The following GSDME variants were observed in gnomAD, a reference collection of about 807,000 sequenced individuals.
GSDME encodes gasdermin-E.
In GSDME, 44 loss-of-function variants were observed where a neutral mutation model predicts 47.5. That is an observed-to-expected ratio of 0.93 (90% CI 0.73 to 1.19). GSDME has a LOEUF of 1.19. Among genes scored for constraint, GSDME ranks in the 50% most tolerant of loss-of-function variants. The pLI is 0.00. For missense variants in GSDME, 663 were observed against 604.2 expected (o/e 1.10, Z -1.02); for synonymous variants, 258 against 252.8 (o/e 1.02, Z -0.20).
chr7:24,744,437 C>T lies in GSDME; in HGVS notation c.404+125G>A, dbSNP rs1790583027. ...GCTCCTCATGAAATTTCAACACAAG[C>T]GCATTCAATACATGTTTATTGATCG... is the stretch of plus-strand genomic sequence containing the variant. On this transcript the variant is annotated intron_variant, in intron 3 of 9. Coordinates refer to ENST00000645220, the MANE Select transcript of GSDME (RefSeq NM_001127453.2). The surrounding 1 kb of genome is among the most constrained non-coding windows in gnomAD (Gnocchi z 4.5). 26 of 1,064,002 alleles carry T rather than the reference C, an allele frequency of 2.4e-5. No individual in the cohort carries two copies. The highest frequency in any genetic ancestry group is 1.8e-4 in the South Asian group (14 of 78,130). 65.9% of individuals were successfully genotyped at this position (1,064,002 alleles called of 1,614,324 possible). A position where few individuals can be genotyped will look rare whatever the true frequency, so the allele number is the denominator to read the frequency against.
the GSDME span, among the ~76,000 whole-genome samples, chr7:24,784,626 C>CTTTT: frequency 1.6e-4 from 20 of 124,286 alleles, 1 homozygote; most frequent in Middle Eastern, 7.9e-3. Context: ...TTTCTTCTTC[C>CTTTT]TTTTTTTTTT....
rs770265619 is a variant in GSDME at position 24,744,643 on chromosome 7, C to T, written c.323G>A (p.Arg108His). 8.1e-6 allele frequency: 13 copies of T among 1,614,074 alleles called. No individual in the cohort carries two copies. The highest frequency in any genetic ancestry group is 4.0e-5 in the African/African-American group (3 of 74,910). The part of the protein sequence containing the change: ...KVKLNLGGSS[R>H]VESQSSFGTL... ...TCCAAATGAAGACTGGCTCTCTACGCGGCTGCTGCCCCCCAGGTTCAGCTT... is the reference window on the plus strand; with the variant it reads ...TCCAAATGAAGACTGGCTCTCTACGTGGCTGCTGCCCCCCAGGTTCAGCTT... The change falls in exon 3 of 10, where the codon CGC becomes CAC. Residue 108 changes from arginine (R) to histidine (H), a missense_variant. By Grantham distance (29) the Arg-to-His change is conservative (BLOSUM62 0). Coordinates refer to ENST00000645220, the MANE Select transcript of GSDME (RefSeq NM_001127453.2). The surrounding 1 kb of genome is among the most constrained non-coding windows in gnomAD (Gnocchi z 4.5).
In GSDME at chr7:24,744,559, T is replaced by G. The variant is rs1249880042; in HGVS notation, c.404+3A>C. ...ATCCAAAATGCCAAACAAGTCTCCT[T>G]ACCTCTCGGCAGAGTCTCTGATGAG... is the stretch of plus-strand genomic sequence containing the variant. On this transcript the variant is annotated splice_donor_region_variant and intron_variant, in intron 3 of 9. Coordinates refer to ENST00000645220, the MANE Select transcript of GSDME (RefSeq NM_001127453.2). The surrounding 1 kb of genome is among the most constrained non-coding windows in gnomAD (Gnocchi z 4.5). 6.2e-7 allele frequency: 1 copy of G among 1,614,198 alleles called. No homozygotes were observed. The highest frequency in any genetic ancestry group is 1.3e-5 in the African/African-American group (1 of 75,048).
chr7:24,772,879 T>G, the GSDME span, among the ~76,000 whole-genome samples: 1 of 152,226 alleles, frequency 6.6e-6, no homozygotes, highest in African/African-American at 2.4e-5. This position sits in a 1 kb window ranked among gnomAD's most constrained non-coding sequence, Gnocchi z 4.5. Context: ...AAGAGGCTGT[T>G]CAATGAGACT....
chr7:24,794,218 CTT>C, the GSDME span, among the ~76,000 whole-genome samples: 14 of 152,048 alleles, frequency 9.2e-5, no homozygotes, highest in Admixed American at 3.9e-4. Context: ...TTGACTTCCT[CTT>C]TGTCTCTTCC....
Position 24,699,194 on chromosome 7 carries a change from A to ATCTT in GSDME, c.1319_1322dup (p.Asp441GlufsTer17), listed in dbSNP as rs1788758854. On this transcript the variant is annotated frameshift_variant, in exon 10 of 10. Transcript: ENST00000645220. LOFTEE classifies it low-confidence loss of function (END_TRUNC). ...GCTGCACAATCCCAAACCTTTCTGTATCTTTCAGGGGAGTCAAGGTTGGGT... is the reference window on the plus strand; with the variant it reads ...GCTGCACAATCCCAAACCTTTCTGTATCTTTCTTTCAGGGGAGTCAAGGTTGGGT... The ATCTT allele has an allele frequency of 1.2e-6, 2 of 1,614,084 alleles. No homozygotes were observed. Among genetic ancestry groups the ATCTT allele is most frequent in the Non-Finnish European group, 1.7e-6 (2 of 1,180,042 alleles).
At chr7:24,702,651 G>T in intron 9 of GSDME, 109 bp downstream of exon 9, 1 of 851,040 alleles carries the variant, frequency 1.2e-6, no homozygotes, top group Non-Finnish European at 2.0e-6. Flanking sequence ...GTGTCTTGAA[G>T]AGCTGTTGTG....
intron 6 of GSDME, among the ~76,000 whole-genome samples, chr7:24,709,226 G>C (rs2128049366): frequency 6.6e-6 from 1 of 152,332 alleles, no homozygotes; most frequent in African/African-American, 2.4e-5. Context: ...CTGCTGACCA[G>C]AATGGCCAAC....
At chr7:24,699,865 T>C (rs919809806) in intron 9 of GSDME, among the ~76,000 whole-genome samples, 5 of 152,254 alleles carry the variant, frequency 3.3e-5, no homozygotes, top group Admixed American at 1.3e-4. Flanking sequence ...GCTTAGTTTT[T>C]GTTTTACTGA....
chr7:24,789,442 G>A, the GSDME span, among the ~76,000 whole-genome samples: 2 of 152,154 alleles, frequency 1.3e-5, no homozygotes, highest in Non-Finnish European at 2.9e-5. Context: ...CTTACAAGGG[G>A]GTCCGCGTGA....
the GSDME span, among the ~76,000 whole-genome samples, chr7:24,767,951 A>C: frequency 6.6e-6 from 1 of 152,226 alleles, no homozygotes; most frequent in African/African-American, 2.4e-5. This position sits in a 1 kb window ranked among gnomAD's most constrained non-coding sequence, Gnocchi z 5.3. Flanking sequence ...GCTACCGATC[A>C]TATAGACTCT....
At chr7:24,707,683 G>GACACAC in intron 7 of GSDME, 2 of 329,856 alleles carry the variant, frequency 6.1e-6, no homozygotes, top group Non-Finnish European at 1.1e-5. Context: ...TAAAGGAGAA[G>GACACAC]ACACACACAC....
chr7:24,763,594 A>C, the GSDME span, among the ~76,000 whole-genome samples: 8 of 152,278 alleles, frequency 5.3e-5, no homozygotes, highest in Non-Finnish European at 1.0e-4. The surrounding 1 kb of genome is among the most constrained non-coding windows in gnomAD (Gnocchi z 4.3). Flanking sequence ...ACAAATGTAA[A>C]ATTTATGAAT....
upstream of GSDME, among the ~76,000 whole-genome samples, chr7:24,761,472 C>T (rs1562722064): frequency 6.6e-6 from 1 of 152,178 alleles, no homozygotes; most frequent in Non-Finnish European, 1.5e-5. This position sits in a 1 kb window ranked among gnomAD's most constrained non-coding sequence, Gnocchi z 4.4. Context: ...AAAACAAGTC[C>T]CTAAGTCTCT....
At position 24,706,593 on chromosome 7, in the gene GSDME, C is replaced by T. The variant is rs555755139; in HGVS notation, c.991-217G>A. On this transcript the variant is annotated intron_variant, in intron 7 of 9. Coordinates refer to ENST00000645220, the MANE Select transcript of GSDME (RefSeq NM_001127453.2). ...GAACCTGGCCCACGAGGGTTGGGGG[C>T]GTACTTGCTGGAACTGTGGCATAGA... Among the ~76,000 whole-genome samples the T allele has an allele frequency of 2.5e-3, 386 of 152,332 alleles. 1 individual carries two copies. The highest frequency in any genetic ancestry group is 0.01 in the Middle Eastern group (3 of 294).
the GSDME span, among the ~76,000 whole-genome samples, chr7:24,772,827 G>GT: frequency 6.6e-6 from 1 of 152,152 alleles, no homozygotes; most frequent in African/African-American, 2.4e-5. The surrounding 1 kb of genome is among the most constrained non-coding windows in gnomAD (Gnocchi z 4.5). Flanking sequence ...TGGTTGCCCG[G>GT]TTGCCTCTTC....
chr7:24,720,291 A>T (rs531200268), intron 3 of GSDME, among the ~76,000 whole-genome samples: 1 of 152,382 alleles, frequency 6.6e-6, no homozygotes, highest in South Asian at 2.1e-4. Flanking sequence ...CTATGATTCT[A>T]TGAAATGGAC....
chr7:24,747,394 C>CT (rs1389807583), intron 2 of GSDME, among the ~76,000 whole-genome samples: 1 of 152,216 alleles, frequency 6.6e-6, no homozygotes, highest in Non-Finnish European at 1.5e-5. Flanking sequence ...TCCTCTACCT[C>CT]TTTTCCCCTT....
the GSDME span, among the ~76,000 whole-genome samples, chr7:24,770,874 T>A: frequency 1.5e-5 from 2 of 132,080 alleles, no homozygotes; most frequent in Non-Finnish European, 3.3e-5. The surrounding 1 kb of genome is among the most constrained non-coding windows in gnomAD (Gnocchi z 4.6). Flanking sequence ...GAAAAAAGGC[T>A]GAAAAAAAAA....
Sources: allele counts gnomAD v4.1 joint callset (sites outside exome capture counted in the v4.1 genomes callset), GRCh38; gene constraint gnomAD v4.1.1; non-coding constraint Gnocchi (gnomAD v3.1); transcripts MANE v1.5; gene names NCBI Gene and HGNC (gene_info 2026-07-23, HGNC 2026-07-21).